Variants in STAB2 observed in about 807,000 individuals in gnomAD.
The protein encoded by STAB2 is stabilin-2.
STAB2 carries 288 observed loss-of-function variants against 338.1 expected under a neutral mutation model. That is an observed-to-expected ratio of 0.85 (90% CI 0.77 to 0.94). STAB2 has a LOEUF of 0.94. STAB2 is among the 40% of genes least tolerant of loss of function. STAB2 has a pLI of 0.00. For missense variants in STAB2, 3,141 were observed against 3,210.1 expected (o/e 0.98, Z 0.52); for synonymous variants, 1,202 against 1,193.3 (o/e 1.01, Z -0.15).
chr12:103,644,809 A>G (rs1040248911), intron 9 of STAB2, among the ~76,000 whole-genome samples: 6 of 152,208 alleles, frequency 3.9e-5, no homozygotes, highest in Admixed American at 3.3e-4. Flanking sequence ...AAAGAGTATA[A>G]TTGGGTTGTT....
chr12:103,656,517 G>A (rs1279948083), intron 15 of STAB2, among the ~76,000 whole-genome samples: 1 of 152,124 alleles, frequency 6.6e-6, no homozygotes, highest in Non-Finnish European at 1.5e-5. Flanking sequence ...TAGACACGCT[G>A]GTAACCACCA....
chr12:103,655,480 G>C lies in STAB2; in HGVS notation c.1633G>C (p.Asp545His), dbSNP rs376143751. Residue 545 changes from aspartate to histidine, a missense_variant, in exon 15 of 69, where the codon GAT becomes CAT. Transcript: ENST00000388887. The part of the protein sequence containing the change: ...LEETNLGHAL[D>H]EDGVGGPYTI... ...GGAAACCAATTTGGGACATGCCTTA[G>C]ATGAGGATGGAGTTGGTGGACCATA... 2 of 1,613,942 alleles carry C rather than the reference G, an allele frequency of 1.2e-6. No individual in the cohort carries two copies. Among genetic ancestry groups the C allele is most frequent in the Non-Finnish European group, 1.7e-6 (2 of 1,180,012 alleles).
intron 5 of STAB2, among the ~76,000 whole-genome samples, chr12:103,627,717 A>G (rs1383661148): frequency 6.6e-6 from 1 of 152,242 alleles, no homozygotes; most frequent in Non-Finnish European, 1.5e-5. Flanking sequence ...TGCCAGGGCC[A>G]TGGGCCAATA....
At chr12:103,740,803 C>G in intron 55 of STAB2, 47 bp downstream of exon 55, 3 of 1,517,856 alleles carry the variant, frequency 2.0e-6, no homozygotes, top group Non-Finnish European at 1.8e-6. Flanking sequence ...TGGTAATATG[C>G]TCCTGCTCGT....
At chr12:103,686,221 T>G (rs1157504900) in intron 27 of STAB2, among the ~76,000 whole-genome samples, 2 of 152,204 alleles carry the variant, frequency 1.3e-5, no homozygotes, top group Non-Finnish European at 2.9e-5. Context: ...ACCCGCAGCC[T>G]GCACTAAGAG....
Position 103,660,643 on chromosome 12 carries a change from G to A in STAB2, c.1789-40G>A, listed in dbSNP as rs751242418. ...TTAAGAACTCAGGGCCCTGCGTGTG[G>A]TCCCAAATATCTCTGCCTTTTGTTC... On this transcript the variant is annotated intron_variant, in intron 16 of 68. Coordinates refer to ENST00000388887, the MANE Select transcript of STAB2 (RefSeq NM_017564.10). 4.4e-6 allele frequency: 7 copies of A among 1,605,924 alleles called. No individual in the cohort carries two copies. The South Asian group carries it at 6.6e-5, about 15-fold the overall frequency.
chr12:103,674,272 T>C (rs969157252), intron 23 of STAB2, among the ~76,000 whole-genome samples, 185 bp downstream of exon 23: 4 of 152,196 alleles, frequency 2.6e-5, no homozygotes, highest in Admixed American at 2.6e-4. Flanking sequence ...TGGGTTTCAA[T>C]TGCAGCACTC....
rs1398188811 is a variant in STAB2, at chr12:103,685,449, T to TGTGC, written c.2997+368_2997+369insCGTG. On this transcript the variant is annotated intron_variant, in intron 27 of 68. Coordinates refer to ENST00000388887, the MANE Select transcript of STAB2 (RefSeq NM_017564.10). Reference sequence around the variant, plus strand: ...GTGTGTGTGTGTGTGTGTGTGTGTGTGTGTGCGCGTGCGTGTGTGTGTGCG... The same window carrying TGTGC: ...GTGTGTGTGTGTGTGTGTGTGTGTGTGTGCGTGTGCGCGTGCGTGTGTGTGTGCG... Among the ~76,000 whole-genome samples the TGTGC allele has an allele frequency of 2.2e-5, 3 of 138,074 alleles. 1 individual carries two copies. The highest frequency in any genetic ancestry group is 4.9e-5 in the Non-Finnish European group (3 of 61,844). 90.6% of individuals were successfully genotyped at this position (138,074 alleles called of 152,430 possible).
intron 3 of STAB2, 60 bp from the exon 4 acceptor site, chr12:103,620,408 C>T: frequency 1.4e-6 from 2 of 1,450,288 alleles, no homozygotes; most frequent in Non-Finnish European, 1.9e-6. Context: ...TTAAGCGCAT[C>T]CTTGCAGAAT....
In STAB2 at chr12:103,652,787, G is replaced by A; in HGVS notation, c.1407+82G>A. The stretch of plus-strand genomic sequence containing the variant: ...CATATCCTTCTCTCTCTTTTTGTTT[G>A]GGGTTTGTGAAAAATTACAAGGAAA... On this transcript the variant is annotated intron_variant, in intron 12 of 68. Transcript: ENST00000388887. The A allele has an allele frequency of 2.9e-6, 4 of 1,402,964 alleles. No individual in the cohort carries two copies. In the Middle Eastern group the frequency reaches 5.6e-4, roughly 197 times the overall value. 86.9% of individuals were successfully genotyped at this position (1,402,964 alleles called of 1,614,324 possible).
Position 103,620,540 on chromosome 12 carries a change from C to A in STAB2, c.404C>A (p.Thr135Asn). Residue 135 changes from threonine to asparagine, a missense_variant, in exon 4 of 69, where the codon ACC (threonine) becomes AAC (asparagine). By Grantham distance (65) the Thr-to-Asn change is moderately conservative. Transcript: ENST00000388887. ...GCTGAAGGCATGGAAGGAAATGGAA[C>A]CTGCTCCTGCCAAGTAAGTTCAAAA... The part of the protein sequence containing the change: ...SCAEGMEGNG[T>N]CSCQEGFGGT... 1 of 1,567,144 alleles carries A rather than the reference C, an allele frequency of 6.4e-7. No individual in the cohort carries two copies. The highest frequency in any genetic ancestry group is 8.7e-7 in the Non-Finnish European group (1 of 1,154,698).
At chr12:103,684,621 T>G (rs1877227949) in intron 26 of STAB2, among the ~76,000 whole-genome samples, 1 of 152,232 alleles carries the variant, frequency 6.6e-6, no homozygotes, top group African/African-American at 2.4e-5. Context: ...CCCAATTGAA[T>G]GTGAATTTCA....
Position 103,648,829 on chromosome 12 carries a change from C to T in STAB2, c.1174+6C>T. On this transcript the variant is annotated splice_donor_region_variant and intron_variant, in intron 10 of 68. Coordinates refer to ENST00000388887, the MANE Select transcript of STAB2 (RefSeq NM_017564.10). ...CTCTTTCATCTCACTCCTAGGTACG[C>T]AGCTATGGGTACAGATTTCCACACA... The T allele has an allele frequency of 1.9e-6, 3 of 1,613,040 alleles. No homozygotes were observed. Among genetic ancestry groups the T allele is most frequent in the Non-Finnish European group, 1.7e-6 (2 of 1,179,492 alleles).
rs775388994 is a variant in STAB2, at chr12:103,737,699, T to C, written c.5616T>C (p.Gly1872=). 2 of 1,612,842 alleles carry C rather than the reference T, an allele frequency of 1.2e-6. No homozygotes were observed. The highest frequency in any genetic ancestry group is 1.7e-6 in the Non-Finnish European group (2 of 1,179,740). ...IVQRELLFDL[G]VAYGIDCLLI... is the part of the protein sequence containing the mutation. Reference sequence around the variant, plus strand: ...AGCGGGAGCTCTTGTTTGACCTGGGTGTGGCCTACGGCATTGACTGTCTGC... The same window carrying C: ...AGCGGGAGCTCTTGTTTGACCTGGGCGTGGCCTACGGCATTGACTGTCTGC... Residue 1872 remains glycine (G), a synonymous_variant, in exon 53 of 69, where the codon GGT becomes GGC. Transcript: ENST00000388887.
chr12:103,711,327 GGATT>G (rs1370942412), intron 39 of STAB2, 140 bp from the exon 40 acceptor site: 3 of 1,050,736 alleles, frequency 2.9e-6, no homozygotes, highest in Admixed American at 5.4e-5. Flanking sequence ...GTATAAAAAA[GGATT>G]GACATGACCT....
chr12:103,702,508 C>T (rs370159724), intron 34 of STAB2, among the ~76,000 whole-genome samples: 1 of 151,790 alleles, frequency 6.6e-6, no homozygotes, highest in Non-Finnish European at 1.5e-5. Context: ...ACCTTGTTAG[C>T]CAGGATGGTC....
At chr12:103,631,788 G>A (rs1214682772) in intron 6 of STAB2, 95 bp downstream of exon 6, 6 of 1,231,560 alleles carry the variant, frequency 4.9e-6, no homozygotes, top group Non-Finnish European at 7.1e-6. Context: ...CTCTGCAGGG[G>A]CAAGGTACTA....
intron 27 of STAB2, among the ~76,000 whole-genome samples, chr12:103,686,280 T>A (rs1291006452): frequency 6.6e-6 from 1 of 151,984 alleles, no homozygotes; most frequent in African/African-American, 2.4e-5. Flanking sequence ...ACCCTTCCCC[T>A]CTCACTGTCA....
intron 15 of STAB2, among the ~76,000 whole-genome samples, chr12:103,657,396 A>G (rs1874273831): frequency 6.6e-6 from 1 of 152,212 alleles, no homozygotes; most frequent in Non-Finnish European, 1.5e-5. Context: ...CCTTTTAACT[A>G]GAATAGGAAA....
Sources: gnomAD v4.1 joint callset for allele counts (sites outside exome capture counted in the v4.1 genomes callset) on GRCh38, gnomAD v4.1.1 for gene constraint, MANE v1.5 for transcripts, NCBI Gene and HGNC (gene_info 2026-07-23, HGNC 2026-07-21) for gene names.